CNOT10: variants seen among roughly 807,000 people sequenced by gnomAD.
The protein encoded by CNOT10 is CCR4-NOT transcription complex, subunit 10.
CNOT10 carries 30 observed loss-of-function variants against 94.6 expected under a neutral mutation model. The observed-to-expected ratio is 0.32, with a 90% CI of 0.24 to 0.43. The LOEUF (loss-of-function observed/expected upper bound fraction) is 0.43. Among genes scored for constraint, CNOT10 ranks in the 20% least tolerant of loss-of-function variants. The pLI is 1.00. For missense variants in CNOT10, 759 were observed against 877.2 expected, an observed-to-expected ratio of 0.87 and a Z score of 1.70; for synonymous variants, 289 against 301.6, an observed-to-expected ratio of 0.96 and a Z score of 0.43.
intron 1 of CNOT10, among the ~76,000 whole-genome samples, chr3:32,690,837 G>A (rs1313187908): frequency 6.6e-6 from 1 of 151,746 alleles, no homozygotes; most frequent in Non-Finnish European, 1.5e-5. Flanking sequence ...ATGAGCCACC[G>A]CGCCCAGACT....
intron 8 of CNOT10, among the ~76,000 whole-genome samples, chr3:32,724,226 CA>C (rs1163857952): frequency 6.7e-6 from 1 of 148,896 alleles, no homozygotes; most frequent in African/African-American, 2.5e-5. Context: ...GTTTAATAGA[CA>C]TACTCTGTTC....
chr3:32,754,489 A>AAATATATAT (rs77878221), intron 13 of CNOT10, among the ~76,000 whole-genome samples: 18 of 70,212 alleles, frequency 2.6e-4, no homozygotes, highest in South Asian at 6.1e-4. Flanking sequence ...AAAAAAAAAA[A>AAATATATAT]ATACATATAT....
chr3:32,718,092 A>G (rs1698202974), intron 7 of CNOT10, among the ~76,000 whole-genome samples: 1 of 151,936 alleles, frequency 6.6e-6, no homozygotes, highest in Admixed American at 6.6e-5. Flanking sequence ...TAGAAAAACT[A>G]TAAATTTAGA....
intron 15 of CNOT10, 101 bp from the exon 16 acceptor site, chr3:32,764,354 A>T: frequency 7.8e-7 from 1 of 1,275,914 alleles, no homozygotes; most frequent in Non-Finnish European, 1.1e-6. Context: ...AAAAAAAGAA[A>T]AGAAAAGAAA....
In CNOT10 at chr3:32,754,792, G is replaced by A. The variant is rs535242889; in HGVS notation, c.1596-4666G>A. On this transcript the variant is annotated intron_variant, in intron 13 of 18. Coordinates refer to ENST00000328834, the MANE Select transcript of CNOT10 (RefSeq NM_015442.3). ...CTGCCTCGGCCTCCCATAGTTCTGG[G>A]ATTACAGGCATGAGCCACCGTGCCT... Among the ~76,000 whole-genome samples, 7 of 149,248 alleles carry A rather than the reference G, an allele frequency of 4.7e-5. No individual in the cohort carries two copies. In the South Asian group the frequency reaches 6.4e-4, roughly 14 times the overall value.
At chr3:32,744,128 C>G (rs1386378498) in intron 13 of CNOT10, among the ~76,000 whole-genome samples, 1 of 152,116 alleles carries the variant, frequency 6.6e-6, no homozygotes, top group Non-Finnish European at 1.5e-5. Flanking sequence ...CCATAAAGCT[C>G]ACAATGCAGT....
At chr3:32,748,131 T>G (rs1204348603) in intron 13 of CNOT10, among the ~76,000 whole-genome samples, 1 of 152,210 alleles carries the variant, frequency 6.6e-6, no homozygotes, top group African/African-American at 2.4e-5. Flanking sequence ...GCATCGAAAT[T>G]ACAGGTGTGA....
At chr3:32,699,290 TAAC>T (rs1321344172) in intron 1 of CNOT10, among the ~76,000 whole-genome samples, 1 of 152,246 alleles carries the variant, frequency 6.6e-6, no homozygotes, top group Non-Finnish European at 1.5e-5. Context: ...TTCTTTTATT[TAAC>T]AACATGTTGT....
At chr3:32,749,942 T>G (rs978931102) in intron 13 of CNOT10, among the ~76,000 whole-genome samples, 7 of 152,080 alleles carry the variant, frequency 4.6e-5, no homozygotes, top group Non-Finnish European at 8.8e-5. Flanking sequence ...AATAACTGGG[T>G]GTGGTGGCTC....
chr3:32,705,545 C>A (rs1157762520), intron 3 of CNOT10, among the ~76,000 whole-genome samples: 2 of 152,256 alleles, frequency 1.3e-5, no homozygotes, highest in African/African-American at 4.8e-5. Flanking sequence ...CGCTTGTATG[C>A]AACTTCTCAG....
chr3:32,754,476 C>A (rs1400974397), intron 13 of CNOT10, among the ~76,000 whole-genome samples: 52 of 36,238 alleles, frequency 1.4e-3, no homozygotes, highest in East Asian at 2.1e-3. Context: ...GACTCCGTCT[C>A]AAAAAAAAAA....
intron 13 of CNOT10, chr3:32,753,581 A>G (rs1326335146): frequency 2.5e-6 from 4 of 1,587,280 alleles, no homozygotes; most frequent in Middle Eastern, 1.7e-4. Flanking sequence ...AAGCTAGAGG[A>G]GCAAGGAGAT....
At chr3:32,754,508 A>ATTTT (rs1700132204) in intron 13 of CNOT10, among the ~76,000 whole-genome samples, 1 of 97,960 alleles carries the variant, frequency 1.0e-5, no homozygotes, top group Admixed American at 1.1e-4. Flanking sequence ...ATATATATAT[A>ATTTT]TTTATTTTAC....
At chr3:32,724,545 T>C (rs1439932054) in intron 8 of CNOT10, among the ~76,000 whole-genome samples, 1 of 152,036 alleles carries the variant, frequency 6.6e-6, no homozygotes, top group Non-Finnish European at 1.5e-5. Context: ...CCCGAGTAGC[T>C]GGGACTACAC....
intron 1 of CNOT10, among the ~76,000 whole-genome samples, chr3:32,687,102 T>G (rs927667568): frequency 2.6e-5 from 4 of 152,216 alleles, no homozygotes; most frequent in Non-Finnish European, 5.9e-5. Context: ...TGCTTTGATA[T>G]AAGGTTAAAT....
At chr3:32,705,053 A>AT (rs1697552527) in intron 3 of CNOT10, 81 bp downstream of exon 3, 1 of 948,724 alleles carries the variant, frequency 1.1e-6, no homozygotes, top group African/African-American at 1.8e-5. Flanking sequence ...AGGAAAATAA[A>AT]TGTGATTTGT....
At chr3:32,725,927 A>T (rs1489684068) in intron 9 of CNOT10, among the ~76,000 whole-genome samples, 3 of 149,696 alleles carry the variant, frequency 2.0e-5, no homozygotes, top group African/African-American at 7.4e-5. Flanking sequence ...GGTTTATTAT[A>T]GTTTTGTTTT....
intron 7 of CNOT10, among the ~76,000 whole-genome samples, chr3:32,718,575 C>A: frequency 1.0e-5 from 1 of 100,226 alleles, no homozygotes; most frequent in African/African-American, 3.8e-5. Flanking sequence ...CAGAACAAGA[C>A]TCATTCTCAA....
At chr3:32,735,344 C>CAAAAAAAAAA (rs1267480500) in intron 12 of CNOT10, among the ~76,000 whole-genome samples, 1 of 150,984 alleles carries the variant, frequency 6.6e-6, no homozygotes. Context: ...GACTTCATCT[C>CAAAAAAAAAA]AAAAAAGAAA....
Sources: gnomAD v4.1 joint callset for allele counts (sites outside exome capture counted in the v4.1 genomes callset) on GRCh38, gnomAD v4.1.1 for gene constraint, MANE v1.5 for transcripts, NCBI Gene and HGNC (gene_info 2026-07-23, HGNC 2026-07-21) for gene names.